CHL1: variants seen among roughly 807,000 people sequenced by gnomAD.
CHL1 encodes the protein cell adhesion molecule L1 like.
A neutral mutation model predicts 141.9 loss-of-function variants in CHL1; 96 were observed. The observed-to-expected ratio is 0.68, with a 90% CI of 0.57 to 0.80. The LOEUF is 0.80. CHL1 is among the 30% of genes least tolerant of loss of function. CHL1 has a pLI of 0.00. For synonymous variants in CHL1, 613 were observed against 502.2 expected (o/e 1.22, Z -2.95); for missense variants, 1,820 against 1,457.2 (o/e 1.25, Z -4.05).
intron 1 of CHL1, among the ~76,000 whole-genome samples, chr3:200,631 C>G (rs555687825): frequency 6.6e-6 from 1 of 152,250 alleles, no homozygotes; most frequent in East Asian, 1.9e-4. Flanking sequence ...CTGTTTGTTC[C>G]TGGAAAAATA....
intron 2 of CHL1, among the ~76,000 whole-genome samples, chr3:265,110 A>G (rs1283505819): frequency 6.6e-6 from 1 of 152,226 alleles, no homozygotes; most frequent in Non-Finnish European, 1.5e-5. Flanking sequence ...TGCTGTGTTT[A>G]TTTCTTATTT....
At chr3:275,491 A>C (rs1007341723) in intron 2 of CHL1, among the ~76,000 whole-genome samples, 1 of 152,198 alleles carries the variant, frequency 6.6e-6, no homozygotes. Flanking sequence ...ATCTCTATAG[A>C]ACAAAGCCAT....
At chr3:393,339 A>T (rs1488757682) in intron 23 of CHL1, among the ~76,000 whole-genome samples, 2 of 152,070 alleles carry the variant, frequency 1.3e-5, no homozygotes, top group Non-Finnish European at 2.9e-5. Flanking sequence ...AAAAAATTGT[A>T]AGAACTGCAG....
chr3:339,792 G>A (rs1702219536), intron 5 of CHL1, among the ~76,000 whole-genome samples: 1 of 152,182 alleles, frequency 6.6e-6, no homozygotes, highest in Non-Finnish European at 1.5e-5. Context: ...TACAGTAAAT[G>A]AGTAAACCTT....
At chr3:361,583 C>G (rs1704257037) in intron 12 of CHL1, 116 bp from the exon 13 acceptor site, 2 of 677,530 alleles carry the variant, frequency 3.0e-6, no homozygotes, top group Non-Finnish European at 5.3e-6. Context: ...AAAACAGACA[C>G]CATAATATTC....
intron 18 of CHL1, among the ~76,000 whole-genome samples, chr3:383,285 C>G (rs909385583): frequency 2.6e-5 from 4 of 152,152 alleles, no homozygotes; most frequent in African/African-American, 9.7e-5. Flanking sequence ...TTGCACTAAA[C>G]TCCACATTTA....
At chr3:359,604 C>G (rs1704027876) in intron 11 of CHL1, among the ~76,000 whole-genome samples, 1 of 152,086 alleles carries the variant, frequency 6.6e-6, no homozygotes, top group East Asian at 1.9e-4. Flanking sequence ...TGCCCAGCCT[C>G]ATGTTAGGTA....
intron 2 of CHL1, among the ~76,000 whole-genome samples, chr3:302,055 A>G (rs147850117): frequency 6.6e-6 from 1 of 152,200 alleles, no homozygotes; most frequent in Non-Finnish European, 1.5e-5. Flanking sequence ...AGCTTTATCC[A>G]TGTCCCTGCA....
intron 2 of CHL1, among the ~76,000 whole-genome samples, chr3:256,993 A>T (rs765183742): frequency 4.6e-5 from 7 of 152,290 alleles, no homozygotes; most frequent in Non-Finnish European, 8.8e-5. Context: ...AGGATTAAAG[A>T]TGCCTCCTCC....
intron 2 of CHL1, among the ~76,000 whole-genome samples, chr3:313,068 T>G (rs1699881989): frequency 6.8e-6 from 1 of 146,848 alleles, no homozygotes; most frequent in Non-Finnish European, 1.5e-5. Flanking sequence ...CGTAGCATGC[T>G]TTTTTTTCCC....
chr3:269,364 A>G (rs549833488), intron 2 of CHL1, among the ~76,000 whole-genome samples: 127 of 152,284 alleles, frequency 8.3e-4, no homozygotes, highest in African/African-American at 2.9e-3. Flanking sequence ...TGTTTAGTTA[A>G]CTGAATCAGT....
intron 1 of CHL1, among the ~76,000 whole-genome samples, chr3:242,644 C>G (rs1046198114): frequency 2.7e-5 from 4 of 150,034 alleles, no homozygotes; most frequent in African/African-American, 9.8e-5. Flanking sequence ...AGAGATAATT[C>G]TTCATTTACA....
chr3:276,078 T>C lies in CHL1; in HGVS notation c.-95+31386T>C, dbSNP rs546624850. Among the ~76,000 whole-genome samples the C allele has an allele frequency of 3.9e-5, 6 of 152,008 alleles. No individual in the cohort carries two copies. The South Asian group carries it at 1.2e-3, about 32-fold the overall frequency. ...TGTTGAACTCTAAAGTCGAAATTAT[T>C]ATTGTTTATATTATTCTTTTAAAAA... On this transcript the variant is annotated intron_variant, in intron 2 of 27. Transcript: ENST00000256509.
At chr3:250,156 G>A (rs986715159) in intron 2 of CHL1, among the ~76,000 whole-genome samples, 8 of 151,798 alleles carry the variant, frequency 5.3e-5, no homozygotes, top group African/African-American at 1.9e-4. Context: ...ATAGAGATGG[G>A]GTCACACTAT....
At chr3:270,635 G>T (rs1334586125) in intron 2 of CHL1, among the ~76,000 whole-genome samples, 2 of 152,162 alleles carry the variant, frequency 1.3e-5, no homozygotes, top group African/African-American at 4.8e-5. Context: ...AAAATTTGGT[G>T]GCCAAAAACA....
At chr3:339,815 A>G (rs1313874608) in intron 5 of CHL1, among the ~76,000 whole-genome samples, 1 of 152,210 alleles carries the variant, frequency 6.6e-6, no homozygotes, top group African/African-American at 2.4e-5. Flanking sequence ...TATTTCCAAG[A>G]ACAATGAAAA....
At chr3:360,739 C>A (rs1244034791) in intron 12 of CHL1, among the ~76,000 whole-genome samples, 9 of 125,844 alleles carry the variant, frequency 7.2e-5, no homozygotes, top group Non-Finnish European at 9.7e-5. Context: ...ATCCCGCCCC[C>A]CCTCCCCCCA....
rs1245237671 is a variant in CHL1 at position 319,814 on chromosome 3, A to G, written c.38A>G (p.Tyr13Cys). 1 of 1,609,458 alleles carries G rather than the reference A, an allele frequency of 6.2e-7. No individual in the cohort carries two copies. Among genetic ancestry groups the G allele is most frequent in the South Asian group, 1.1e-5 (1 of 90,852 alleles). ...TTACTTGGAAGAGGACTAATCGTAT[A>G]TCTAATGTTCCTCCTGTTAAAATTC... is the stretch of plus-strand genomic sequence containing the variant. ...PLLLGRGLIV[Y>C]LMFLLLKFSK... Residue 13 changes from tyrosine to cysteine, a missense_variant, in exon 3 of 28, where the codon TAT becomes TGT. Tyr to Cys is a radical substitution (Grantham distance 194). Transcript: ENST00000256509.
At chr3:312,785 G>C (rs986365020) in intron 2 of CHL1, among the ~76,000 whole-genome samples, 1 of 152,146 alleles carries the variant, frequency 6.6e-6, no homozygotes, top group Non-Finnish European at 1.5e-5. Context: ...TTTTATCATG[G>C]AGAGAAAAGA....
Sources: gnomAD v4.1 joint callset for allele counts (sites outside exome capture counted in the v4.1 genomes callset) on GRCh38, gnomAD v4.1.1 for gene constraint, MANE v1.5 for transcripts, NCBI Gene and HGNC (gene_info 2026-07-23, HGNC 2026-07-21) for gene names.